The following ITGA9 variants were observed in gnomAD, a reference collection of about 807,000 sequenced individuals.
The protein encoded by ITGA9 is integrin subunit alpha 9, also known as integrin alpha-9.
In ITGA9, 56 loss-of-function variants were observed where a neutral mutation model predicts 127.8. The observed-to-expected ratio is 0.44, with a 90% confidence interval of 0.35 to 0.55. The LOEUF (loss-of-function observed/expected upper bound fraction) is 0.55, where lower values mean the gene tolerates loss of function less well. Among genes scored for constraint, ITGA9 ranks in the 20% least tolerant of loss-of-function variants. The pLI, the probability that ITGA9 is intolerant of heterozygous loss-of-function variation, is 0.00. For missense variants in ITGA9, 1,196 were observed against 1,347.1 expected (o/e 0.89, Z 1.76); for synonymous variants, 508 against 514.5 (o/e 0.99, Z 0.17).
In ITGA9 at chr3:37,483,758, G is replaced by C. The variant is rs147803207; in HGVS notation, c.544+2151G>C. Among the ~76,000 whole-genome samples, 1,215 of 152,246 alleles carry C rather than the reference G, an allele frequency of 8.0e-3. 14 individuals carry two copies. Among genetic ancestry groups the C allele is most frequent in the South Asian group, 0.017 (84 of 4,820 alleles). Reference sequence around the variant, plus strand: ...CATCATAGGAACGGTGGTAGGAGCTGGGGGGAGACAGGTGGGATGCCCAAA... The same window carrying C: ...CATCATAGGAACGGTGGTAGGAGCTCGGGGGAGACAGGTGGGATGCCCAAA... On this transcript the variant is annotated intron_variant, in intron 4 of 27. Transcript: ENST00000264741.
rs1438193383 is a variant in ITGA9 at position 37,485,721 on chromosome 3, A to T, written c.544+4114A>T. Among the ~76,000 whole-genome samples the T allele has an allele frequency of 4.6e-5, 7 of 152,292 alleles. No individual in the cohort carries two copies. The South Asian group carries it at 1.5e-3, about 32-fold the overall frequency. The stretch of plus-strand genomic sequence containing the variant: ...TTAAAAAATTGGTCTCTGGTTTGGC[A>T]CTAGGACATGGCTTCTCAGGTGCTT... On this transcript the variant is annotated intron_variant, in intron 4 of 27. Coordinates refer to ENST00000264741, the MANE Select transcript of ITGA9 (RefSeq NM_002207.3).
chr3:37,628,148 C>T (rs899862103), intron 15 of ITGA9, among the ~76,000 whole-genome samples: 1 of 152,186 alleles, frequency 6.6e-6, no homozygotes, highest in Non-Finnish European at 1.5e-5. Flanking sequence ...CTTCTCTTCT[C>T]ATTCTTCCCT....
At chr3:37,632,106 A>G (rs1456107392) in intron 16 of ITGA9, among the ~76,000 whole-genome samples, 1 of 152,360 alleles carries the variant, frequency 6.6e-6, no homozygotes, top group African/African-American at 2.4e-5. Flanking sequence ...TATTTGGTGC[A>G]TGAAAGGAAA....
At chr3:37,708,539 T>C (rs1194746514) in intron 18 of ITGA9, among the ~76,000 whole-genome samples, 1 of 145,902 alleles carries the variant, frequency 6.9e-6, no homozygotes, top group East Asian at 2.0e-4. Flanking sequence ...CAACCAAGGG[T>C]AATTTTGTCT....
At chr3:37,758,359 A>G (rs1365349407) in intron 23 of ITGA9, among the ~76,000 whole-genome samples, 1 of 148,832 alleles carries the variant, frequency 6.7e-6, no homozygotes, top group Non-Finnish European at 1.5e-5. Flanking sequence ...AAAAATTGCA[A>G]ATTGATTCCT....
intron 23 of ITGA9, among the ~76,000 whole-genome samples, chr3:37,762,075 T>G (rs1167395443): frequency 6.6e-6 from 1 of 152,256 alleles, no homozygotes; most frequent in Non-Finnish European, 1.5e-5. Context: ...TTTACTTTCT[T>G]AATAAACTTG....
chr3:37,733,040 G>A, intron 19 of ITGA9: 1 of 519,982 alleles, frequency 1.9e-6, no homozygotes, highest in Non-Finnish European at 3.5e-6. Context: ...AAATGTGAAA[G>A]TGAAGGACAC....
Position 37,523,592 on chromosome 3 carries a change from G to A in ITGA9, c.1308G>A (p.Met436Ile). The change falls in exon 12 of 28, where the codon ATG (methionine) becomes ATA (isoleucine). Residue 436 changes from methionine (M) to isoleucine (I), a missense_variant. Met to Ile is a conservative substitution (Grantham distance 10). Coordinates refer to ENST00000264741, the MANE Select transcript of ITGA9 (RefSeq NM_002207.3). ...FGQSISGGID[M>I]DGNGYPDVTV... ...AGTCCATATCGGGAGGCATTGATAT[G>A]GATGGAAATGGCTATCCTGGTAAGC... 1 of 1,612,792 alleles carries A rather than the reference G, an allele frequency of 6.2e-7. No individual in the cohort carries two copies. The highest frequency in any genetic ancestry group is 8.5e-7 in the Non-Finnish European group (1 of 1,178,884).
intron 17 of ITGA9, among the ~76,000 whole-genome samples, chr3:37,676,916 CCT>C (rs1175513788): frequency 6.6e-6 from 1 of 152,154 alleles, no homozygotes; most frequent in Non-Finnish European, 1.5e-5. Flanking sequence ...GAATGTACTC[CCT>C]GTTTTTCTGC....
rs1293767546 is a variant in ITGA9, at chr3:37,801,368, C to T, written c.2890-2455C>T. ...CACCTTCTGTTTCTTGATCTGAGTG[C>T]TGGTTACACACATGCATTTAGCATT... is the stretch of plus-strand genomic sequence containing the variant. On this transcript the variant is annotated intron_variant, in intron 26 of 27. Transcript: ENST00000264741. Among the ~76,000 whole-genome samples the T allele has an allele frequency of 4.6e-5, 7 of 152,160 alleles. 1 individual carries two copies. The highest frequency in any genetic ancestry group is 7.2e-5 in the African/African-American group (3 of 41,438).
rs555225640 is a variant in ITGA9 at position 37,610,804 on chromosome 3, T to C, written c.1690-18383T>C. ...AGGAGCTCAGTGTCTGTCTCTGTTA[T>C]TGCATCAGGATCTCACATTATCCAG... On this transcript the variant is annotated intron_variant, in intron 15 of 27. Transcript: ENST00000264741. Among the ~76,000 whole-genome samples the C allele has an allele frequency of 2.6e-5, 4 of 152,310 alleles. No individual in the cohort carries two copies. In the East Asian group the frequency reaches 7.7e-4, roughly 29 times the overall value.
At chr3:37,480,608 G>A (rs930643431) in intron 3 of ITGA9, among the ~76,000 whole-genome samples, 1 of 152,118 alleles carries the variant, frequency 6.6e-6, no homozygotes, top group Non-Finnish European at 1.5e-5. Flanking sequence ...GCATTTTGCT[G>A]TATGTAAGTT....
rs1005329945 is a variant in ITGA9, at chr3:37,629,865, C to T, written c.1839+529C>T. Among the ~76,000 whole-genome samples the T allele has an allele frequency of 2.6e-5, 4 of 152,130 alleles. No homozygotes were observed. Among genetic ancestry groups the T allele is most frequent in the Admixed American group, 6.5e-5 (1 of 15,280 alleles). On this transcript the variant is annotated intron_variant, in intron 16 of 27. Transcript: ENST00000264741. This position sits in a 1 kb window ranked among gnomAD's most constrained non-coding sequence, Gnocchi z 4.5. ...GCGGCTGTGTAGAGAAGCTTTAGTG[C>T]GATGGGTGTATCACTCGTATGAAGT...
chr3:37,677,447 G>A (rs1321006263), intron 17 of ITGA9, among the ~76,000 whole-genome samples: 1 of 152,142 alleles, frequency 6.6e-6, no homozygotes, highest in Non-Finnish European at 1.5e-5. Flanking sequence ...AAATTGTCAA[G>A]AGAAAAGTTA....
intron 1 of ITGA9, among the ~76,000 whole-genome samples, chr3:37,466,247 C>G (rs1389164918): frequency 6.6e-6 from 1 of 151,982 alleles, no homozygotes; most frequent in African/African-American, 2.4e-5. Context: ...CTTTGGGAGG[C>G]TGAGGCAGGT....
intron 18 of ITGA9, among the ~76,000 whole-genome samples, chr3:37,717,966 G>C (rs1311132127): frequency 6.6e-6 from 1 of 152,188 alleles, no homozygotes; most frequent in African/African-American, 2.4e-5. Flanking sequence ...CTCTGGTAAA[G>C]GGAGGCCAGT....
intron 5 of ITGA9, among the ~76,000 whole-genome samples, chr3:37,500,260 C>T (rs1463958983): frequency 1.3e-5 from 2 of 152,270 alleles, no homozygotes; most frequent in Non-Finnish European, 2.9e-5. Flanking sequence ...TGCTGTGTTT[C>T]CCAGTGGAGC....
intron 14 of ITGA9, among the ~76,000 whole-genome samples, chr3:37,537,490 A>G (rs1157826379): frequency 6.6e-6 from 1 of 152,236 alleles, no homozygotes; most frequent in East Asian, 1.9e-4. Flanking sequence ...CAACAGCTTC[A>G]TAAACCAGCA....
At position 37,814,353 on chromosome 3, in the gene ITGA9, G is replaced by T. The variant is rs572029930; in HGVS notation, c.3010-4538G>T. Among the ~76,000 whole-genome samples the T allele has an allele frequency of 7.0e-4, 106 of 152,326 alleles. 1 individual carries two copies. The highest frequency in any genetic ancestry group is 2.5e-3 in the African/African-American group (102 of 41,578). On this transcript the variant is annotated intron_variant, in intron 27 of 27. Transcript: ENST00000264741. The surrounding 1 kb of genome is among the most constrained non-coding windows in gnomAD (Gnocchi z 4.3). Reference sequence around the variant, plus strand: ...GGCCAAGGCAGGCGGATCATCTGAGGTCAGGAGTTCAAGATCAGCCTGGCC... The same window carrying T: ...GGCCAAGGCAGGCGGATCATCTGAGTTCAGGAGTTCAAGATCAGCCTGGCC...
Sources: gnomAD v4.1 joint callset for allele counts (sites outside exome capture counted in the v4.1 genomes callset) on GRCh38, gnomAD v4.1.1 for gene constraint, Gnocchi (gnomAD v3.1) non-coding constraint, MANE v1.5 for transcripts, NCBI Gene and HGNC (gene_info 2026-07-23, HGNC 2026-07-21) for gene names.